CASR: variants seen among roughly 807,000 people sequenced by gnomAD.
CASR encodes calcium sensing receptor.
CASR carries 23 observed loss-of-function variants against 69.1 expected under a neutral mutation model. The ratio of observed to expected loss-of-function variants is 0.33; its 90% CI spans 0.24 to 0.47. The LOEUF is 0.47. Ranked by LOEUF, CASR falls within the 20% of genes least tolerant of loss-of-function variation. The probability of loss-of-function intolerance (pLI) is 1.00; values close to 1 mark genes in which losing one functional copy is unlikely to be tolerated. For synonymous variants in CASR, 541 were observed against 544.7 expected (o/e 0.99, Z 0.10); for missense variants, 924 against 1,356.1 (o/e 0.68, Z 5.00).
chr3:122,226,680 A>G (rs1254313014), intron 1 of CASR, among the ~76,000 whole-genome samples: 1 of 152,160 alleles, frequency 6.6e-6, no homozygotes, highest in Non-Finnish European at 1.5e-5. Context: ...CAATTGGTGT[A>G]TTTACAAATC....
At chr3:122,184,037 A>T (rs1427055300) in intron 1 of CASR, among the ~76,000 whole-genome samples, 1 of 151,910 alleles carries the variant, frequency 6.6e-6, no homozygotes. Context: ...GCAGGAGAGG[A>T]CCTAAGCGCG....
chr3:122,268,612 G>T (rs968827695), intron 4 of CASR, among the ~76,000 whole-genome samples: 3 of 152,234 alleles, frequency 2.0e-5, no homozygotes, highest in Non-Finnish European at 2.9e-5. Flanking sequence ...AGCCAACCAG[G>T]TTGGAGTCTA....
rs35760717 is a variant in CASR at position 122,253,906 on chromosome 3, T to C, written c.-242-42T>C. 8.9e-3 allele frequency: 3,940 copies of C among 442,082 alleles called. 125 individuals carry two copies. The highest frequency in any genetic ancestry group is 0.074 in the African/African-American group (3,716 of 50,106). The allele number at this position is 442,082 out of a possible 1,614,324, so 27.4% of individuals were successfully genotyped here. ...TTGCAGTGGTCATCACAAGATGGGA[T>C]TGAGGTTTAGCTGAATCCATTTTGT... On this transcript the variant is annotated intron_variant, in intron 1 of 6. Coordinates refer to ENST00000639785, the MANE Select transcript of CASR (RefSeq NM_000388.4).
At chr3:122,247,040 G>A (rs2074435083) in intron 1 of CASR, 1 of 152,134 alleles carries the variant, frequency 6.6e-6, no homozygotes, top group African/African-American at 2.4e-5. Context: ...CCATTGAGGG[G>A]CAGACATATC....
chr3:122,198,658 T>A (rs945327031), intron 1 of CASR, among the ~76,000 whole-genome samples: 16 of 151,900 alleles, frequency 1.1e-4, no homozygotes, highest in African/African-American at 3.9e-4. Context: ...ATGTTGTTTT[T>A]TAGGCAAATA....
intron 1 of CASR, among the ~76,000 whole-genome samples, chr3:122,190,781 C>T (rs973653990): frequency 6.6e-6 from 1 of 152,182 alleles, no homozygotes; most frequent in African/African-American, 2.4e-5. Context: ...TAACAGTCAG[C>T]AATTGACAAA....
At position 122,261,530 on chromosome 3, in the gene CASR, C is replaced by A; in HGVS notation, c.495C>A (p.Val165=). 3.1e-6 allele frequency: 5 copies of A among 1,614,022 alleles called. No individual in the cohort carries two copies. In the South Asian group the frequency reaches 4.4e-5, roughly 14 times the overall value. ...ACCATGTTCTTGGTTCTCTCCAGGTCAGTTATGCCTCCTCCAGCAGACTCC... is the reference window on the plus strand; with the variant it reads ...ACCATGTTCTTGGTTCTCTCCAGGTAAGTTATGCCTCCTCCAGCAGACTCC... ...NLLGLFYIPQ[V]SYASSSRLLS... is the part of the protein sequence containing the mutation. The change falls in exon 4 of 7, where the codon GTC becomes GTA. Residue 165 remains valine (V), a splice_region_variant and synonymous_variant. Coordinates refer to ENST00000639785, the MANE Select transcript of CASR (RefSeq NM_000388.4).
At chr3:122,193,265 A>G (rs139278441) in intron 1 of CASR, among the ~76,000 whole-genome samples, 2 of 150,618 alleles carry the variant, frequency 1.3e-5, no homozygotes, top group East Asian at 2.0e-4. Context: ...CACCCAGTCT[A>G]TAGTGCAGTG....
chr3:122,210,865 G>A (rs1398074817), intron 1 of CASR, among the ~76,000 whole-genome samples: 3 of 152,120 alleles, frequency 2.0e-5, no homozygotes, highest in Non-Finnish European at 2.9e-5. Flanking sequence ...AGCCAAAACA[G>A]GAGGGTATTG....
intron 1 of CASR, among the ~76,000 whole-genome samples, chr3:122,184,955 C>G (rs2073763591): frequency 6.6e-6 from 1 of 152,134 alleles, no homozygotes; most frequent in Non-Finnish European, 1.5e-5. Flanking sequence ...GCCCCAGGGG[C>G]CGTCAGTGCC....
intron 1 of CASR, among the ~76,000 whole-genome samples, chr3:122,230,721 C>T (rs578082047): frequency 6.6e-6 from 1 of 152,242 alleles, no homozygotes; most frequent in African/African-American, 2.4e-5. Flanking sequence ...CCCACCAAGC[C>T]CGTGATACCA....
In CASR at chr3:122,284,185, A is replaced by T. The variant is rs751816764; in HGVS notation, c.2231A>T (p.Tyr744Phe). The change falls in exon 7 of 7, where the codon TAC becomes TTC. Residue 744 changes from tyrosine to phenylalanine, a missense_variant. Transcript: ENST00000639785. ...MQIVICVIWL[Y>F]TAPPSSYRNQ... Reference sequence around the variant, plus strand: ...ATTGTCATCTGTGTGATCTGGCTCTACACCGCGCCCCCGTCAAGCTACCGC... The same window carrying T: ...ATTGTCATCTGTGTGATCTGGCTCTTCACCGCGCCCCCGTCAAGCTACCGC... 1 of 1,613,914 alleles carries T rather than the reference A, an allele frequency of 6.2e-7. No homozygotes were observed. Among genetic ancestry groups the T allele is most frequent in the Non-Finnish European group, 8.5e-7 (1 of 1,179,984 alleles).
intron 3 of CASR, 149 bp from the exon 4 acceptor site, chr3:122,261,379 T>C: frequency 1.3e-6 from 1 of 780,698 alleles, no homozygotes; most frequent in East Asian, 2.4e-5. Flanking sequence ...TTCCTTACCC[T>C]TTCTTTCATC....
At chr3:122,244,302 T>G (rs965615640) in intron 1 of CASR, among the ~76,000 whole-genome samples, 5 of 151,434 alleles carry the variant, frequency 3.3e-5, no homozygotes, top group African/African-American at 1.2e-4. Flanking sequence ...CAGAAATATA[T>G]ATACCTGCTG....
chr3:122,233,851 C>T (rs2074302475), intron 1 of CASR, among the ~76,000 whole-genome samples: 2 of 152,208 alleles, frequency 1.3e-5, no homozygotes, highest in Admixed American at 1.3e-4. Flanking sequence ...GCTTGGACTT[C>T]CCACCCTTAG....
chr3:122,212,698 A>G (rs2074080804), intron 1 of CASR, among the ~76,000 whole-genome samples: 1 of 150,572 alleles, frequency 6.6e-6, no homozygotes. Context: ...CTGAAGTGTA[A>G]TGGCGCGATC....
chr3:122,242,713 C>T (rs996872637), intron 1 of CASR, among the ~76,000 whole-genome samples: 2 of 152,080 alleles, frequency 1.3e-5, no homozygotes, highest in African/African-American at 4.8e-5. Context: ...CCCAGAATAG[C>T]CAAAGCTATG....
rs2107655806 is a variant in CASR at position 122,291,385 on chromosome 3, G to A, written c.*6194G>A. ...TTCCTATTTCTCCACATCCTCTCCAGCACCTGTTGTTTCCTGACTTTTTAA... is the reference window on the plus strand; with the variant it reads ...TTCCTATTTCTCCACATCCTCTCCAACACCTGTTGTTTCCTGACTTTTTAA... On this transcript the variant is annotated 3_prime_UTR_variant, in exon 7 of 7. Coordinates refer to ENST00000639785, the MANE Select transcript of CASR (RefSeq NM_000388.4). 1 of 151,516 alleles carries A rather than the reference G, an allele frequency of 6.6e-6. No homozygotes were observed. The highest frequency in any genetic ancestry group is 1.9e-4 in the East Asian group (1 of 5,158). 9.4% of individuals were successfully genotyped at this position (151,516 alleles called of 1,614,324 possible). A position where few individuals can be genotyped will look rare whatever the true frequency, so the allele number is the denominator to read the frequency against.
rs987562405 is a variant in CASR at position 122,239,236 on chromosome 3, A to C, written c.-242-14712A>C. Among the ~76,000 whole-genome samples the C allele has an allele frequency of 2.6e-4, 40 of 152,120 alleles. 1 individual carries two copies. Among genetic ancestry groups the C allele is most frequent in the Non-Finnish European group, 7.4e-5 (5 of 68,020 alleles). On this transcript the variant is annotated intron_variant, in intron 1 of 6. Coordinates refer to ENST00000639785, the MANE Select transcript of CASR (RefSeq NM_000388.4). Reference sequence around the variant, plus strand: ...GCCTGGCAGCATTCACCACAACCTGAGGTGCCCCTGGGCTTTAAATGAACA... The same window carrying C: ...GCCTGGCAGCATTCACCACAACCTGCGGTGCCCCTGGGCTTTAAATGAACA...
Sources: gnomAD v4.1 joint callset for allele counts (sites outside exome capture counted in the v4.1 genomes callset) on GRCh38, gnomAD v4.1.1 for gene constraint, MANE v1.5 for transcripts, NCBI Gene and HGNC (gene_info 2026-07-23, HGNC 2026-07-21) for gene names.